AGBL1: variants seen among roughly 807,000 people sequenced by gnomAD.
The protein encoded by AGBL1 is AGBL carboxypeptidase 1, also known as cytosolic carboxypeptidase 4.
Under a neutral mutation model 118.9 loss-of-function variants are expected in AGBL1, and 130 were observed. The observed-to-expected ratio is 1.09, with a 90% CI of 0.95 to 1.26. AGBL1 has a LOEUF of 1.26. Ranked by LOEUF, AGBL1 falls within the 50% of genes most tolerant of loss-of-function variation. The pLI is 0.00. For synonymous variants in AGBL1, 555 were observed against 478.9 expected (o/e 1.16, Z -2.08); for missense variants, 1,584 against 1,298.1 (o/e 1.22, Z -3.38).
chr15:86,746,845 A>G (rs753733390), intron 22 of AGBL1, among the ~76,000 whole-genome samples: 1 of 152,056 alleles, frequency 6.6e-6, no homozygotes, highest in Non-Finnish European at 1.5e-5. Context: ...CAAACAATAT[A>G]ACTATAAATT....
At chr15:86,158,871 G>A (rs2077228511) in intron 4 of AGBL1, 62 bp from the exon 5 acceptor site, 2 of 1,460,416 alleles carry the variant, frequency 1.4e-6, no homozygotes, top group Non-Finnish European at 1.9e-6. Context: ...GTCAATCCAA[G>A]TTGTCTTGAG....
At chr15:86,258,332 G>A (rs571162909) in intron 9 of AGBL1, among the ~76,000 whole-genome samples, 1 of 152,200 alleles carries the variant, frequency 6.6e-6, no homozygotes, top group East Asian at 1.9e-4. Context: ...ACTTGGAGTT[G>A]GTATATTTGA....
At chr15:86,097,316 A>C (rs1896441639) in intron 1 of AGBL1, among the ~76,000 whole-genome samples, 1 of 152,196 alleles carries the variant, frequency 6.6e-6, no homozygotes, top group Non-Finnish European at 1.5e-5. Flanking sequence ...GTATGTTGAG[A>C]ACATTTCAGG....
intron 22 of AGBL1, among the ~76,000 whole-genome samples, chr15:86,677,385 G>A (rs2085867336): frequency 6.6e-6 from 1 of 152,102 alleles, no homozygotes; most frequent in Non-Finnish European, 1.5e-5. Flanking sequence ...AGCATCTTTT[G>A]ATCTTTCCTC....
chr15:86,968,484 C>T (rs1024455617), intron 23 of AGBL1, among the ~76,000 whole-genome samples: 3 of 151,850 alleles, frequency 2.0e-5, no homozygotes, highest in African/African-American at 7.3e-5. Context: ...GGGGGATTAT[C>T]GCATAGGGAA....
intron 21 of AGBL1, among the ~76,000 whole-genome samples, chr15:86,592,355 T>C (rs1395827401): frequency 3.3e-5 from 5 of 152,240 alleles, no homozygotes; most frequent in Admixed American, 3.3e-4. Context: ...AGGCAAGTTT[T>C]AGAGCAGGAG....
intron 22 of AGBL1, 97 bp downstream of exon 22, chr15:86,674,533 C>A: frequency 8.0e-7 from 1 of 1,249,972 alleles, no homozygotes; most frequent in Non-Finnish European, 1.1e-6. Flanking sequence ...GGGGTCTTTA[C>A]ACAGAGAAAA....
At chr15:86,308,255 A>G (rs745545494) in intron 17 of AGBL1, among the ~76,000 whole-genome samples, 16 of 152,098 alleles carry the variant, frequency 1.1e-4, no homozygotes, top group African/African-American at 1.4e-4. Flanking sequence ...CTAATCCCCA[A>G]TGTGATTGTA....
At chr15:86,561,742 G>C (rs1596266926) in intron 21 of AGBL1, among the ~76,000 whole-genome samples, 1 of 152,258 alleles carries the variant, frequency 6.6e-6, no homozygotes, top group South Asian at 2.1e-4. Context: ...AGTTACCTTG[G>C]GCAATATGGC....
intron 18 of AGBL1, among the ~76,000 whole-genome samples, chr15:86,443,357 C>T (rs759526299): frequency 2.0e-4 from 31 of 152,136 alleles, no homozygotes; most frequent in African/African-American, 4.6e-4. Context: ...CACATACTTA[C>T]GGGGTATGTG....
rs535222894 is a variant in AGBL1 at position 86,883,699 on chromosome 15, G to A, written c.3159-23388G>A. 1.2e-3 allele frequency among the ~76,000 whole-genome samples: 180 copies of A among 152,178 alleles called. 1 individual carries two copies. The highest frequency in any genetic ancestry group is 4.2e-3 in the African/African-American group (173 of 41,500). ...AATATCCCTAGCACATGGTAGGTAG[G>A]TGGAAGAAAGGTTGCTTTTCTTTCC... is the stretch of plus-strand genomic sequence containing the variant. On this transcript the variant is annotated intron_variant, in intron 22 of 22. Transcript: ENST00000614907.
intron 22 of AGBL1, among the ~76,000 whole-genome samples, chr15:86,755,219 G>A (rs1252743203): frequency 6.6e-6 from 1 of 152,126 alleles, no homozygotes; most frequent in Non-Finnish European, 1.5e-5. Context: ...TAGGGTGGAT[G>A]ACCTAATGTT....
rs778968308 is a variant in AGBL1 at position 86,279,633 on chromosome 15, C to G, written c.2076-6C>G. 19 of 1,612,844 alleles carry G rather than the reference C, an allele frequency of 1.2e-5. No homozygotes were observed. In the South Asian group the frequency reaches 2.1e-4, roughly 18 times the overall value. On this transcript the variant is annotated splice_region_variant and splice_polypyrimidine_tract_variant and intron_variant, in intron 15 of 22. Coordinates refer to ENST00000614907, the MANE Select transcript of AGBL1 (RefSeq NM_001386094.1). ...ATTCTCTTCTCTTCTCCTCCTCTCT[C>G]TTTAGAAATCATTATCGCCAGAGTA...
chr15:86,629,933 C>T (rs2084939629), intron 21 of AGBL1, among the ~76,000 whole-genome samples: 1 of 152,192 alleles, frequency 6.6e-6, no homozygotes. Context: ...CTTAGTAGAA[C>T]TAATTAGCAT....
chr15:86,365,001 A>ATATATATATATATATATATG (rs2080864465), intron 17 of AGBL1, among the ~76,000 whole-genome samples: 1 of 131,972 alleles, frequency 7.6e-6, no homozygotes, highest in Admixed American at 7.6e-5. Context: ...ACACACACAT[A>ATATATATATATATATATATG]TATATATACA....
chr15:86,734,727 T>C (rs945075550), intron 22 of AGBL1, among the ~76,000 whole-genome samples: 1 of 152,196 alleles, frequency 6.6e-6, no homozygotes, highest in Non-Finnish European at 1.5e-5. Context: ...GCTCTTTCCA[T>C]GATGAGGCCA....
intron 11 of AGBL1, among the ~76,000 whole-genome samples, chr15:86,266,061 A>G (rs2079065674): frequency 1.3e-5 from 2 of 152,218 alleles, no homozygotes; most frequent in African/African-American, 2.4e-5. Flanking sequence ...TCCCACAGCT[A>G]GAAAAGTTCC....
chr15:86,295,963 C>T (rs941233328), intron 17 of AGBL1: 4 of 154,560 alleles, frequency 2.6e-5, no homozygotes, highest in Admixed American at 6.3e-5. Context: ...GACATATAGA[C>T]AAACACATAG....
At position 86,281,544 on chromosome 15, in the gene AGBL1, A is replaced by T. The variant is rs150772064; in HGVS notation, c.2220+1761A>T. Among the ~76,000 whole-genome samples the T allele has an allele frequency of 9.6e-3, 1,459 of 152,294 alleles. 19 individuals carry two copies. The highest frequency in any genetic ancestry group is 0.015 in the Non-Finnish European group (989 of 68,028). On this transcript the variant is annotated intron_variant, in intron 16 of 22. Transcript: ENST00000614907. Reference sequence around the variant, plus strand: ...GCTTGTTAGAATATCTTGGACTCTGATAAGGTTCCTGGTGGCCATTCATAT... The same window carrying T: ...GCTTGTTAGAATATCTTGGACTCTGTTAAGGTTCCTGGTGGCCATTCATAT...
Sources: allele counts gnomAD v4.1 joint callset (sites outside exome capture counted in the v4.1 genomes callset), GRCh38; gene constraint gnomAD v4.1.1; transcripts MANE v1.5; gene names NCBI Gene and HGNC (gene_info 2026-07-23, HGNC 2026-07-21).